Variants in SASH1 observed in about 807,000 individuals in gnomAD.
SASH1 encodes SAM and SH3 domain-containing protein 1.
In SASH1, 44 loss-of-function variants were observed where a neutral mutation model predicts 125.2. That is an observed-to-expected ratio of 0.35 (90% CI 0.28 to 0.45). SASH1 has a LOEUF of 0.45. SASH1 is among the 20% of genes least tolerant of loss of function. The pLI is 1.00. For missense variants in SASH1, 1,426 were observed against 1,614.5 expected, an observed-to-expected ratio of 0.88 and a Z score of 2.00; for synonymous variants, 639 against 649.1, an observed-to-expected ratio of 0.98 and a Z score of 0.24.
intron 7 of SASH1, among the ~76,000 whole-genome samples, chr6:148,487,090 T>TACACACACACACACACAC (rs1448530373): frequency 5.9e-4 from 59 of 100,700 alleles, no homozygotes; most frequent in African/African-American, 2.4e-3. Context: ...AACACATATA[T>TACACACACACACACACAC]ATACACACAC....
At chr6:148,217,354 C>T in the SASH1 span, among the ~76,000 whole-genome samples, 1 of 152,190 alleles carries the variant, frequency 6.6e-6, no homozygotes, top group Non-Finnish European at 1.5e-5. Context: ...AGGAATATTG[C>T]TTACTGTTTG....
At chr6:148,409,716 A>T (rs1342642406) in intron 2 of SASH1, among the ~76,000 whole-genome samples, 1 of 152,168 alleles carries the variant, frequency 6.6e-6, no homozygotes, top group African/African-American at 2.4e-5. Context: ...TGGGCGGATC[A>T]TGAGGTCAGG....
intron 2 of SASH1, among the ~76,000 whole-genome samples, chr6:148,418,317 G>A (rs1364197271): frequency 6.6e-6 from 1 of 152,052 alleles, no homozygotes; most frequent in Non-Finnish European, 1.5e-5. Flanking sequence ...TGCCTACTCG[G>A]GATAAACAAG....
chr6:148,240,443 A>G, the SASH1 span, among the ~76,000 whole-genome samples: 4 of 152,246 alleles, frequency 2.6e-5, no homozygotes, highest in Non-Finnish European at 5.9e-5. Context: ...AATGATTAGA[A>G]CATGGTTATT....
the SASH1 span, among the ~76,000 whole-genome samples, chr6:148,245,034 C>T: frequency 1.3e-5 from 2 of 150,664 alleles, no homozygotes; most frequent in Non-Finnish European, 3.0e-5. Flanking sequence ...ATCCACATTC[C>T]ATTACCCCAT....
chr6:148,315,967 CCTAAAT>C lies in SASH1; in HGVS notation n.74+43592_74+43597del, dbSNP rs1294911189. 3.9e-5 allele frequency among the ~76,000 whole-genome samples: 6 copies of C among 152,258 alleles called. No individual in the cohort carries two copies. The South Asian group carries it at 6.2e-4, about 16-fold the overall frequency. The stretch of plus-strand genomic sequence containing the variant: ...CCACACCCATGGGCATTTCAACCTT[CCTAAAT>C]CCCTGTGCTATGACCAATAGATTGT... On this transcript the variant is annotated intron_variant and non_coding_transcript_variant, in intron 1 of 3. Transcript: ENST00000367469.
chr6:148,468,594 C>G lies in SASH1; in HGVS notation c.427+9C>G. On this transcript the variant is annotated intron_variant, in intron 5 of 19. Coordinates refer to ENST00000367467, the MANE Select transcript of SASH1 (RefSeq NM_015278.5). ...AGAAGACAGCTCTGTAGGTCAGTAC[C>G]ACTTTTCTTGGTTTACCTATTTAAT... 2 of 1,581,658 alleles carry G rather than the reference C, an allele frequency of 1.3e-6. No homozygotes were observed. The highest frequency in any genetic ancestry group is 1.7e-6 in the Non-Finnish European group (2 of 1,155,968).
chr6:148,263,686 T>G, the SASH1 span, among the ~76,000 whole-genome samples: 1 of 144,118 alleles, frequency 6.9e-6, no homozygotes, highest in Admixed American at 7.1e-5. Context: ...CATGGAAATA[T>G]GCTTTGCATT....
At chr6:148,309,667 TAA>T (rs34084896) in intron 1 of SASH1, among the ~76,000 whole-genome samples, 113 of 138,862 alleles carry the variant, frequency 8.1e-4, no homozygotes, top group Admixed American at 1.9e-3. Flanking sequence ...CATGTTGCTT[TAA>T]AAAAAAAAAA....
chr6:148,307,163 G>A (rs913460658), intron 1 of SASH1, among the ~76,000 whole-genome samples: 2 of 150,068 alleles, frequency 1.3e-5, no homozygotes, highest in Non-Finnish European at 2.9e-5. Context: ...CTGTCATCCA[G>A]GCTGGAGTGC....
chr6:148,538,478 C>T (rs1254700931), intron 16 of SASH1, among the ~76,000 whole-genome samples: 2 of 152,236 alleles, frequency 1.3e-5, no homozygotes, highest in African/African-American at 4.8e-5. Context: ...ACAGTGAGGA[C>T]ACCGCTCTAG....
intron 3 of SASH1, 33 bp from the exon 4 acceptor site, chr6:148,440,325 G>C: frequency 6.2e-7 from 1 of 1,612,430 alleles, no homozygotes; most frequent in Non-Finnish European, 8.5e-7. Context: ...CTGCTGCTCT[G>C]ACCACACTGA....
intron 1 of SASH1, among the ~76,000 whole-genome samples, chr6:148,388,181 C>T (rs1240743924): frequency 6.6e-6 from 1 of 152,118 alleles, no homozygotes; most frequent in African/African-American, 2.4e-5. Flanking sequence ...TCCCAAAGTG[C>T]TGGGATTACA....
At chr6:148,244,727 C>G in the SASH1 span, among the ~76,000 whole-genome samples, 3 of 152,188 alleles carry the variant, frequency 2.0e-5, no homozygotes. Flanking sequence ...TTCAGGGCAA[C>G]TGGGTCACAG....
chr6:148,294,380 C>A (rs766239010), intron 1 of SASH1, among the ~76,000 whole-genome samples: 1 of 152,132 alleles, frequency 6.6e-6, no homozygotes, highest in Non-Finnish European at 1.5e-5. Context: ...CCTTTCCTTA[C>A]GAGCTCTGAG....
intron 1 of SASH1, among the ~76,000 whole-genome samples, chr6:148,376,343 A>G (rs942490808): frequency 1.3e-5 from 2 of 152,136 alleles, no homozygotes; most frequent in Non-Finnish European, 2.9e-5. Context: ...TGCTGGGATT[A>G]GAGGAGTGAG....
intron 8 of SASH1, 58 bp downstream of exon 8, chr6:148,487,773 A>G: frequency 1.6e-6 from 2 of 1,234,800 alleles, no homozygotes; most frequent in Middle Eastern, 1.9e-4. Context: ...GACAGTCTTC[A>G]CCATTTTAGT....
intron 1 of SASH1, among the ~76,000 whole-genome samples, chr6:148,272,739 C>T (rs1779092984): frequency 6.6e-6 from 1 of 152,096 alleles, no homozygotes; most frequent in Non-Finnish European, 1.5e-5. Flanking sequence ...TCTATGAAAA[C>T]TTTTTTAAAG....
At chr6:148,232,716 G>A in the SASH1 span, among the ~76,000 whole-genome samples, 1 of 152,082 alleles carries the variant, frequency 6.6e-6, no homozygotes. Flanking sequence ...CAGAGGACTT[G>A]GCACTTAGCT....
Sources: allele counts gnomAD v4.1 joint callset (sites outside exome capture counted in the v4.1 genomes callset), GRCh38; gene constraint gnomAD v4.1.1; transcripts MANE v1.5; gene names NCBI Gene and HGNC (gene_info 2026-07-23, HGNC 2026-07-21).